The following GALNT14 variants were observed in gnomAD, a reference collection of about 807,000 sequenced individuals.
GALNT14 encodes the protein UDP-GalNAc:polypeptide N-acetylgalactosaminyltransferase 14.
A neutral mutation model predicts 77.5 loss-of-function variants in GALNT14; 60 were observed. The ratio of observed to expected loss-of-function variants is 0.77; its 90% confidence interval spans 0.63 to 0.96. GALNT14 has a LOEUF of 0.96. Ranked by LOEUF, GALNT14 falls within the 40% of genes least tolerant of loss-of-function variation. The pLI is 0.00. For missense variants in GALNT14, 710 were observed against 731.0 expected (o/e 0.97, Z 0.33); for synonymous variants, 280 against 281.7 (o/e 0.99, Z 0.06).
chr2:30,891,601 GTT>G, the GALNT14 span, among the ~76,000 whole-genome samples: 84 of 152,326 alleles, frequency 5.5e-4, no homozygotes, highest in Middle Eastern at 0.02. Flanking sequence ...ATGAACCCTA[GTT>G]CTGTCTTCAG....
chr2:30,904,319 G>C, the GALNT14 span, among the ~76,000 whole-genome samples: 2 of 152,214 alleles, frequency 1.3e-5, no homozygotes, highest in African/African-American at 4.8e-5. Flanking sequence ...TCTTTAGGAA[G>C]TGCCAGACAG....
chr2:31,040,842 C>T (rs1673054886), intron 1 of GALNT14, among the ~76,000 whole-genome samples: 1 of 152,084 alleles, frequency 6.6e-6, no homozygotes, highest in Non-Finnish European at 1.5e-5. Flanking sequence ...ACGGTTGTGG[C>T]CTGAAATTCA....
intron 6 of GALNT14, among the ~76,000 whole-genome samples, chr2:30,952,892 G>C (rs1247788021): frequency 6.6e-6 from 1 of 152,078 alleles, no homozygotes; most frequent in Non-Finnish European, 1.5e-5. Flanking sequence ...TCCATCCCCT[G>C]CCAAGGGGTT....
chr2:31,076,631 T>TATATATATATATATA (rs1558551969), intron 1 of GALNT14, among the ~76,000 whole-genome samples: 1 of 112,672 alleles, frequency 8.9e-6, no homozygotes, highest in African/African-American at 3.5e-5. Flanking sequence ...ATATATATAT[T>TATATATATATATATA]TTTTTTTTTT....
intron 1 of GALNT14, among the ~76,000 whole-genome samples, chr2:31,028,253 A>G (rs1301221857): frequency 6.6e-6 from 1 of 152,074 alleles, no homozygotes; most frequent in Non-Finnish European, 1.5e-5. Flanking sequence ...GGGCTCCACA[A>G]GTCTCCCAGC....
chr2:31,110,245 A>G (rs1677768413), intron 1 of GALNT14, among the ~76,000 whole-genome samples: 1 of 152,170 alleles, frequency 6.6e-6, no homozygotes, highest in Non-Finnish European at 1.5e-5. Flanking sequence ...CAGAGAGCAC[A>G]CAGCTTCCTC....
intron 1 of GALNT14, among the ~76,000 whole-genome samples, chr2:31,115,452 A>C (rs182399206): frequency 5.4e-4 from 82 of 152,300 alleles, no homozygotes; most frequent in Non-Finnish European, 1.6e-4. Context: ...CAAAAATCTC[A>C]AGATGGGTGA....
chr2:30,887,633 G>A, the GALNT14 span, among the ~76,000 whole-genome samples: 1 of 152,160 alleles, frequency 6.6e-6, no homozygotes, highest in African/African-American at 2.4e-5. Context: ...TCTCTCCAGA[G>A]ATACGATTTG....
chr2:31,090,690 C>A (rs1363766678), intron 1 of GALNT14, among the ~76,000 whole-genome samples: 1 of 151,868 alleles, frequency 6.6e-6, no homozygotes, highest in Non-Finnish European at 1.5e-5. Flanking sequence ...CCATGTTGGC[C>A]AGGCTGGTCT....
chr2:31,026,122 A>G (rs1474381446), intron 1 of GALNT14, among the ~76,000 whole-genome samples: 1 of 152,206 alleles, frequency 6.6e-6, no homozygotes, highest in Non-Finnish European at 1.5e-5. Context: ...AGACATGCCG[A>G]GTCCACCAGA....
In GALNT14 at chr2:31,072,262, CTCACACACACACACACACAT is replaced by C. The variant is rs1209912669; in HGVS notation, c.129+65676_129+65695del. On this transcript the variant is annotated intron_variant, in intron 1 of 14. Coordinates refer to ENST00000349752, the MANE Select transcript of GALNT14 (RefSeq NM_024572.4). ...TATGTCTCCTCTCTTTTCTCTCTCT[CTCACACACACACACACACAT>C]ACACACACACACACACACACATACA... 5.2e-3 allele frequency among the ~76,000 whole-genome samples: 394 copies of C among 76,086 alleles called. 5 individuals carry two copies. Among genetic ancestry groups the C allele is most frequent in the African/African-American group, 0.022 (324 of 15,004 alleles). 49.9% of individuals were successfully genotyped at this position (76,086 alleles called of 152,430 possible).
At chr2:30,927,623 G>A (rs140945039) in intron 11 of GALNT14, among the ~76,000 whole-genome samples, 4 of 152,364 alleles carry the variant, frequency 2.6e-5, no homozygotes, top group Non-Finnish European at 4.4e-5. Context: ...AGAGAAGGAT[G>A]CTGCAGAAGC....
At chr2:30,988,520 C>CG (rs1669461061) in intron 2 of GALNT14, among the ~76,000 whole-genome samples, 1 of 152,118 alleles carries the variant, frequency 6.6e-6, no homozygotes, top group South Asian at 2.1e-4. Flanking sequence ...CCAAAGTCTC[C>CG]GCAGAGCCCG....
chr2:31,023,380 G>T (rs1425344874), intron 1 of GALNT14, among the ~76,000 whole-genome samples: 1 of 152,012 alleles, frequency 6.6e-6, no homozygotes, highest in Non-Finnish European at 1.5e-5. Context: ...CTGTAACTGT[G>T]CCTCTTTCCT....
chr2:31,010,319 G>C (rs1670940458), intron 1 of GALNT14, among the ~76,000 whole-genome samples: 1 of 152,222 alleles, frequency 6.6e-6, no homozygotes, highest in Admixed American at 6.5e-5. Flanking sequence ...GACATCTGTG[G>C]CTGGGCGTGG....
At chr2:31,070,492 C>T (rs975672252) in intron 1 of GALNT14, among the ~76,000 whole-genome samples, 1 of 152,184 alleles carries the variant, frequency 6.6e-6, no homozygotes. Flanking sequence ...CTCAAACAAG[C>T]TTGCACTTAG....
rs752216188 is a variant in GALNT14 at position 31,138,104 on chromosome 2, C to G, written c.-18G>C. 6 of 1,613,338 alleles carry G rather than the reference C, an allele frequency of 3.7e-6. No homozygotes were observed. The East Asian group carries it at 1.3e-4, about 36-fold the overall frequency. ...CGCCGCATGGTCCCCTTTGCCGCTT[C>G]CTCTCCGCGGCGCTACGTCCCGGGG... On this transcript the variant is annotated 5_prime_UTR_variant, in exon 1 of 15. Transcript: ENST00000349752.
chr2:30,981,092 G>A (rs1368776068), intron 2 of GALNT14, among the ~76,000 whole-genome samples: 1 of 152,228 alleles, frequency 6.6e-6, no homozygotes, highest in Admixed American at 6.5e-5. Flanking sequence ...CTTACTGCAT[G>A]GTTCATCCTC....
chr2:31,004,184 C>T (rs150589948), intron 1 of GALNT14, among the ~76,000 whole-genome samples: 5 of 152,300 alleles, frequency 3.3e-5, no homozygotes, highest in Non-Finnish European at 5.9e-5. Flanking sequence ...GTCACTGGAA[C>T]AGGAGAAGAG....
Sources: gnomAD v4.1 joint callset for allele counts (sites outside exome capture counted in the v4.1 genomes callset) on GRCh38, gnomAD v4.1.1 for gene constraint, MANE v1.5 for transcripts, NCBI Gene and HGNC (gene_info 2026-07-23, HGNC 2026-07-21) for gene names.